The following TBC1D7 variants were observed in gnomAD, a reference collection of about 807,000 sequenced individuals.
TBC1D7 encodes the protein TBC1 domain family member 7.
TBC1D7 carries 33 observed loss-of-function variants against 35.3 expected under a neutral mutation model. That is an observed-to-expected ratio of 0.93 (90% CI 0.71 to 1.25). The LOEUF is 1.25. Ranked by LOEUF, TBC1D7 falls within the 50% of genes most tolerant of loss-of-function variation. The pLI is 0.00. For missense variants in TBC1D7, 362 were observed against 365.3 expected (o/e 0.99, Z 0.07); for synonymous variants, 135 against 129.5 (o/e 1.04, Z -0.29).
intron 2 of TBC1D7, 129 bp from the exon 3 acceptor site, chr6:13,325,303 G>T: frequency 1.6e-6 from 1 of 637,182 alleles, no homozygotes; most frequent in Non-Finnish European, 2.7e-6. Context: ...CATATGGTCA[G>T]TAAGTTTAGG....
chr6:13,314,092 C>G (rs1245767646), intron 5 of TBC1D7, among the ~76,000 whole-genome samples: 1 of 151,878 alleles, frequency 6.6e-6, no homozygotes, highest in Non-Finnish European at 1.5e-5. Flanking sequence ...GTGGCGGGTG[C>G]CTGTAGTCCC....
At chr6:13,321,904 T>C (rs983751401) in intron 3 of TBC1D7, among the ~76,000 whole-genome samples, 2 of 152,126 alleles carry the variant, frequency 1.3e-5, no homozygotes, top group African/African-American at 4.8e-5. Flanking sequence ...TGGGAAATGG[T>C]GACAATGAAT....
chr6:13,325,705 G>T (rs1457602696), intron 2 of TBC1D7, among the ~76,000 whole-genome samples: 1 of 152,174 alleles, frequency 6.6e-6, no homozygotes, highest in Non-Finnish European at 1.5e-5. Flanking sequence ...TTACAGCATT[G>T]GAGATGCATT....
In TBC1D7 at chr6:13,305,105, C is replaced by T. The variant is rs767576922; in HGVS notation, c.878G>A (p.Ser293Asn). ...GTCCACAACCAGCGGGTGCGTTCAG[C>T]TTGAATGGACCGGGGTCCCACAGTG... is the stretch of plus-strand genomic sequence containing the variant. ...HKHCGTPVHS[S>N] is the part of the protein sequence containing the mutation. Residue 293 changes from serine to asparagine, a missense_variant, in exon 8 of 8, where the codon AGC becomes AAC. Physicochemically the swap from Ser to Asn is conservative, Grantham distance 46 (BLOSUM62 1). Transcript: ENST00000379300. 15 of 1,611,046 alleles carry T rather than the reference C, an allele frequency of 9.3e-6. No individual in the cohort carries two copies. The Admixed American group carries it at 2.5e-4, about 27-fold the overall frequency.
intron 6 of TBC1D7, chr6:13,307,202 C>A: frequency 5.5e-6 from 1 of 182,914 alleles, no homozygotes; most frequent in Non-Finnish European, 1.2e-5. Context: ...CTCCGAAATA[C>A]CCAGACATGT....
intron 5 of TBC1D7, among the ~76,000 whole-genome samples, chr6:13,308,484 G>T (rs868274719): frequency 6.6e-6 from 1 of 152,180 alleles, no homozygotes; most frequent in Non-Finnish European, 1.5e-5. Flanking sequence ...AACACTAGAA[G>T]ACTGGAGAGC....
At chr6:13,320,807 A>T in intron 4 of TBC1D7, 101 bp downstream of exon 4, 1 of 1,063,270 alleles carries the variant, frequency 9.4e-7, no homozygotes. Context: ...AACAACAGGG[A>T]GCCACCAAAA....
intron 5 of TBC1D7, among the ~76,000 whole-genome samples, chr6:13,311,854 G>A (rs2458309): frequency 0.31 from 46,706 of 151,668 alleles, 7,469 homozygotes; most frequent in South Asian, 0.46. Context: ...CTAGAAAGTT[G>A]TATTAAATAA....
intron 3 of TBC1D7, among the ~76,000 whole-genome samples, chr6:13,322,870 G>A (rs1784140229): frequency 6.6e-6 from 1 of 152,144 alleles, no homozygotes; most frequent in Non-Finnish European, 1.5e-5. Flanking sequence ...CCTTAAACCT[G>A]TTTTCTAAGA....
In TBC1D7 at chr6:13,305,198, G is replaced by C; in HGVS notation, c.796-11C>G. 1 of 1,613,912 alleles carries C rather than the reference G, an allele frequency of 6.2e-7. No homozygotes were observed. Among genetic ancestry groups the C allele is most frequent in the Non-Finnish European group, 8.5e-7 (1 of 1,179,820 alleles). On this transcript the variant is annotated splice_polypyrimidine_tract_variant and intron_variant, in intron 7 of 7. Coordinates refer to ENST00000379300, the MANE Select transcript of TBC1D7 (RefSeq NM_016495.6). ...GCTGTCCTGGGGAATCTGTGGGCAA[G>C]CAAATCAGTCTTTGTGAAATTTCAG... is the stretch of plus-strand genomic sequence containing the variant.
At chr6:13,321,163 G>C in intron 3 of TBC1D7, 68 bp from the exon 4 acceptor site, 1 of 1,409,362 alleles carries the variant, frequency 7.1e-7, no homozygotes, top group Admixed American at 2.0e-5. Flanking sequence ...CCTCATCTAT[G>C]AAAGAGGATG....
At chr6:13,313,639 G>C (rs1388107756) in intron 5 of TBC1D7, among the ~76,000 whole-genome samples, 1 of 152,154 alleles carries the variant, frequency 6.6e-6, no homozygotes, top group Non-Finnish European at 1.5e-5. Context: ...GAGCAAATTT[G>C]TAACAGGAAA....
intron 2 of TBC1D7, 35 bp downstream of exon 2, chr6:13,326,752 G>C: frequency 7.4e-7 from 1 of 1,358,926 alleles, no homozygotes; most frequent in Non-Finnish European, 1.0e-6. Flanking sequence ...TGGAGTGATT[G>C]AGAACCAATG....
At position 13,318,698 on chromosome 6, in the gene TBC1D7, T is replaced by C. The variant is rs183611655; in HGVS notation, c.382-1990A>G. 4.6e-5 allele frequency: 7 copies of C among 152,310 alleles called. No homozygotes were observed. In the East Asian group the frequency reaches 1.3e-3, roughly 29 times the overall value. 9.4% of individuals were successfully genotyped at this position (152,310 alleles called of 1,614,324 possible). A position where few individuals can be genotyped will look rare whatever the true frequency, so the allele number is the denominator to read the frequency against. On this transcript the variant is annotated intron_variant, in intron 4 of 7. Coordinates refer to ENST00000379300, the MANE Select transcript of TBC1D7 (RefSeq NM_016495.6). ...AAATAGGAGTGTTCCAGCAAATCCATTTGAACAATTCACTGTTTTAGCCAA... is the reference window on the plus strand; with the variant it reads ...AAATAGGAGTGTTCCAGCAAATCCACTTGAACAATTCACTGTTTTAGCCAA...
At chr6:13,309,336 T>C (rs1366519519) in intron 5 of TBC1D7, among the ~76,000 whole-genome samples, 1 of 152,214 alleles carries the variant, frequency 6.6e-6, no homozygotes, top group African/African-American at 2.4e-5. Context: ...ATTGTCTTTT[T>C]CCTTTATCAG....
intron 3 of TBC1D7, among the ~76,000 whole-genome samples, chr6:13,324,076 A>C (rs1283765793): frequency 6.6e-6 from 1 of 152,142 alleles, no homozygotes; most frequent in Non-Finnish European, 1.5e-5. Context: ...CAGGGAATTT[A>C]GTACTCGCCA....
intron 3 of TBC1D7, chr6:13,323,648 G>A (rs1784202783): frequency 6.6e-6 from 1 of 152,192 alleles, no homozygotes; most frequent in African/African-American, 2.4e-5. Flanking sequence ...TGACCTACCA[G>A]ACATAAAAGT....
chr6:13,311,217 G>A (rs182559988), intron 5 of TBC1D7, among the ~76,000 whole-genome samples: 26 of 152,286 alleles, frequency 1.7e-4, no homozygotes, highest in Admixed American at 5.2e-4. Context: ...TTACTTTAAT[G>A]ATTAACACAA....
intron 4 of TBC1D7, among the ~76,000 whole-genome samples, chr6:13,316,951 C>T (rs1455978667): frequency 2.0e-5 from 3 of 152,054 alleles, no homozygotes; most frequent in Non-Finnish European, 4.4e-5. Context: ...ACAGACACTC[C>T]CCAGCTTCTA....
Sources: gnomAD v4.1 joint callset for allele counts (sites outside exome capture counted in the v4.1 genomes callset) on GRCh38, gnomAD v4.1.1 for gene constraint, MANE v1.5 for transcripts, NCBI Gene and HGNC (gene_info 2026-07-23, HGNC 2026-07-21) for gene names.